MCC: variants seen among roughly 807,000 people sequenced by gnomAD.
The protein encoded by MCC is colorectal mutant cancer protein.
A neutral mutation model predicts 116.2 loss-of-function variants in MCC; 90 were observed. That is an observed-to-expected ratio of 0.77 (90% confidence interval 0.65 to 0.92). The LOEUF (loss-of-function observed/expected upper bound fraction) is 0.92. Among genes scored for constraint, MCC ranks in the 40% least tolerant of loss-of-function variants. The pLI, the probability that MCC is intolerant of heterozygous loss-of-function variation, is 0.00. For synonymous variants in MCC, 578 were observed against 510.5 expected, an observed-to-expected ratio of 1.13 and a Z score of -1.78; for missense variants, 1,516 against 1,312.2, an observed-to-expected ratio of 1.16 and a Z score of -2.40.
Position 113,434,723 on chromosome 5 carries a change from C to T in MCC, c.171-49511G>A, listed in dbSNP as rs767857845. On this transcript the variant is annotated intron_variant, in intron 1 of 18. Transcript: ENST00000408903. This position sits in a 1 kb window ranked among gnomAD's most constrained non-coding sequence, Gnocchi z 4.2. Reference sequence around the variant, plus strand: ...CCTTCTTGCGGTCGATGATCTTGATCGCCACATTGAACTTCAGGCGCTCAG... The same window carrying T: ...CCTTCTTGCGGTCGATGATCTTGATTGCCACATTGAACTTCAGGCGCTCAG... The T allele has an allele frequency of 3.0e-5, 48 of 1,613,940 alleles. No homozygotes were observed. Among genetic ancestry groups the T allele is most frequent in the Middle Eastern group, 1.6e-4 (1 of 6,082 alleles).
At chr5:113,123,440 CAG>C (rs1757851508) in intron 5 of MCC, among the ~76,000 whole-genome samples, 1 of 152,216 alleles carries the variant, frequency 6.6e-6, no homozygotes, top group Non-Finnish European at 1.5e-5. Context: ...GAGGAGAAAA[CAG>C]AACACTGAAT....
At chr5:113,464,139 G>A (rs1388962442) in intron 1 of MCC, among the ~76,000 whole-genome samples, 1 of 152,142 alleles carries the variant, frequency 6.6e-6, no homozygotes, top group African/African-American at 2.4e-5. Context: ...AGGGCACCAT[G>A]AAGTGACAAA....
intron 1 of MCC, among the ~76,000 whole-genome samples, chr5:113,438,377 G>A (rs1025236451): frequency 6.6e-5 from 10 of 152,072 alleles, no homozygotes; most frequent in Non-Finnish European, 1.3e-4. Flanking sequence ...AAATCCCAGG[G>A]GCCACATCTT....
chr5:113,054,018 A>G (rs1455349996), intron 14 of MCC, 59 bp from the exon 15 acceptor site: 7 of 1,214,792 alleles, frequency 5.8e-6, no homozygotes, highest in Non-Finnish European at 8.4e-6. Context: ...CATGGCAAAT[A>G]GATCTTTCCT....
At chr5:113,266,509 T>C (rs998564711) in intron 3 of MCC, among the ~76,000 whole-genome samples, 1 of 152,184 alleles carries the variant, frequency 6.6e-6, no homozygotes, top group Non-Finnish European at 1.5e-5. Context: ...GGGAGAGGGA[T>C]GGGCAGAAGA....
chr5:113,106,686 AG>A (rs1756752206), intron 6 of MCC, among the ~76,000 whole-genome samples: 1 of 152,188 alleles, frequency 6.6e-6, no homozygotes, highest in South Asian at 2.1e-4. Flanking sequence ...CAGCCTCCCA[AG>A]ATGCTGGGAC....
intron 1 of MCC, among the ~76,000 whole-genome samples, chr5:113,394,323 A>G (rs988534191): frequency 6.6e-5 from 10 of 152,042 alleles, no homozygotes; most frequent in Non-Finnish European, 1.2e-4. Flanking sequence ...GGTTTACTGC[A>G]TTGGTCTCCT....
At chr5:113,113,061 T>G (rs1052873363) in intron 6 of MCC, among the ~76,000 whole-genome samples, 60 of 152,344 alleles carry the variant, frequency 3.9e-4, no homozygotes, top group African/African-American at 1.4e-3. Flanking sequence ...ATAGCAGGAC[T>G]GGCCATTCAC....
chr5:113,471,232 T>C lies in MCC; in HGVS notation c.170+17013A>G, dbSNP rs976555391. 3.3e-5 allele frequency among the ~76,000 whole-genome samples: 5 copies of C among 152,222 alleles called. No homozygotes were observed. The East Asian group carries it at 5.8e-4, about 18-fold the overall frequency. On this transcript the variant is annotated intron_variant, in intron 1 of 18. Coordinates refer to ENST00000408903, the MANE Select transcript of MCC (RefSeq NM_001085377.2). ...GCTGCTGGTGAGGAGCTGTGTTCCTTTGGAGGAGGAGAGGCACTCTGATTT... is the reference window on the plus strand; with the variant it reads ...GCTGCTGGTGAGGAGCTGTGTTCCTCTGGAGGAGGAGAGGCACTCTGATTT...
At chr5:113,177,327 A>G (rs922202527) in intron 3 of MCC, among the ~76,000 whole-genome samples, 6 of 152,240 alleles carry the variant, frequency 3.9e-5, no homozygotes, top group African/African-American at 1.4e-4. Context: ...GAATAACCAC[A>G]TGTTAAAGAC....
chr5:113,056,959 G>C (rs1456745446), intron 14 of MCC, among the ~76,000 whole-genome samples: 2 of 152,216 alleles, frequency 1.3e-5, no homozygotes, highest in African/African-American at 4.8e-5. Context: ...GGGGAATGCA[G>C]AGTGGGCATG....
chr5:113,087,247 T>C (rs1421999991), intron 8 of MCC, among the ~76,000 whole-genome samples: 1 of 152,248 alleles, frequency 6.6e-6, no homozygotes, highest in East Asian at 1.9e-4. Flanking sequence ...GAAGCTAAAA[T>C]AGGAAAATTC....
At chr5:113,085,408 G>GTGATC (rs1250437027) in intron 8 of MCC, 98 bp from the exon 9 acceptor site, 3 of 1,202,148 alleles carry the variant, frequency 2.5e-6, no homozygotes, top group Non-Finnish European at 3.5e-6. Context: ...TTACATTGAG[G>GTGATC]GATCAGCCCA....
intron 3 of MCC, among the ~76,000 whole-genome samples, chr5:113,230,352 G>A (rs1763896991): frequency 6.6e-6 from 1 of 152,146 alleles, no homozygotes; most frequent in Admixed American, 6.5e-5. Context: ...GGGAGAGGGA[G>A]AACTTATATC....
At chr5:113,167,460 A>T (rs145797979) in intron 3 of MCC, among the ~76,000 whole-genome samples, 1 of 152,338 alleles carries the variant, frequency 6.6e-6, no homozygotes, top group Admixed American at 6.5e-5. Context: ...TGATTGATAC[A>T]TAAAGGAACA....
intron 11 of MCC, among the ~76,000 whole-genome samples, chr5:113,073,612 T>C (rs766123160): frequency 2.6e-5 from 4 of 152,004 alleles, no homozygotes; most frequent in Non-Finnish European, 5.9e-5. Context: ...TCAGGCCTCA[T>C]GGTTGTTAAG....
In MCC at chr5:113,022,910, T is replaced by A. The variant is rs1406352697; in HGVS notation, c.*4392A>T. 1.3e-5 allele frequency: 2 copies of A among 152,034 alleles called. No individual in the cohort carries two copies. The highest frequency in any genetic ancestry group is 2.9e-5 in the Non-Finnish European group (2 of 67,964). 9.4% of individuals were successfully genotyped at this position (152,034 alleles called of 1,614,324 possible). A position where few individuals can be genotyped will look rare whatever the true frequency, so the allele number is the denominator to read the frequency against. ...TCACATGCAAAATCTCACCCAGATGTAATGTGATAAACAAACAGTTTACCC... is the reference window on the plus strand; with the variant it reads ...TCACATGCAAAATCTCACCCAGATGAAATGTGATAAACAAACAGTTTACCC... On this transcript the variant is annotated 3_prime_UTR_variant, in exon 19 of 19. Transcript: ENST00000408903.
At chr5:113,169,931 T>C (rs1760986441) in intron 3 of MCC, among the ~76,000 whole-genome samples, 1 of 152,224 alleles carries the variant, frequency 6.6e-6, no homozygotes, top group Admixed American at 6.5e-5. Context: ...ATTTCTATTC[T>C]ACTCCAGCTT....
At position 113,023,854 on chromosome 5, in the gene MCC, G is replaced by C. The variant is rs570072975; in HGVS notation, c.*3448C>G. 1.3e-5 allele frequency: 2 copies of C among 152,298 alleles called. No individual in the cohort carries two copies. The highest frequency in any genetic ancestry group is 6.5e-5 in the Admixed American group (1 of 15,294). The allele number at this position is 152,298 out of a possible 1,614,324, so 9.4% of individuals were successfully genotyped here. A position where few individuals can be genotyped will look rare whatever the true frequency, so the allele number is the denominator to read the frequency against. On this transcript the variant is annotated 3_prime_UTR_variant, in exon 19 of 19. Coordinates refer to ENST00000408903, the MANE Select transcript of MCC (RefSeq NM_001085377.2). ...AGTGATTGCTTTATAATTCTCGTGG[G>C]CCATAGGAAACACCTTCAGAAGGGA...
Sources: allele counts gnomAD v4.1 joint callset (sites outside exome capture counted in the v4.1 genomes callset), GRCh38; gene constraint gnomAD v4.1.1; non-coding constraint Gnocchi (gnomAD v3.1); transcripts MANE v1.5; gene names NCBI Gene and HGNC (gene_info 2026-07-23, HGNC 2026-07-21).